CLDND2: variants seen among roughly 807,000 people sequenced by gnomAD.
The protein encoded by CLDND2 is claudin domain containing 2.
A neutral mutation model predicts 17.7 loss-of-function variants in CLDND2; 18 were observed. The observed-to-expected ratio is 1.02, with a 90% CI of 0.70 to 1.51. The LOEUF is 1.51. CLDND2 is among the 40% of genes most tolerant of loss of function. The pLI, the probability that CLDND2 is intolerant of heterozygous loss-of-function variation, is 0.00. For missense variants in CLDND2, 233 were observed against 219.6 expected (o/e 1.06, Z -0.39); for synonymous variants, 113 against 93.0 (o/e 1.22, Z -1.24).
Position 51,368,025 on chromosome 19 carries a change from G to A in CLDND2, c.171C>T (p.Thr57=). The A allele has an allele frequency of 2.5e-6, 4 of 1,606,728 alleles. No individual in the cohort carries two copies. The highest frequency in any genetic ancestry group is 3.4e-6 in the Non-Finnish European group (4 of 1,177,250). ...TGCACGCCACAGTCACCGCCAGCGT[G>A]GCTGGGGAGAGCGGGCGCATCAGCC... ...HGICSSIPCQ[T]TLAVTVACMV... is the part of the protein sequence containing the mutation. Residue 57 remains threonine (T), a splice_region_variant and synonymous_variant, in exon 2 of 4, where the codon ACC becomes ACT. Transcript: ENST00000291715.
rs951688193 is a variant in CLDND2 at position 51,368,765 on chromosome 19, T to A, written c.-188A>T. 1 of 579,882 alleles carries A rather than the reference T, an allele frequency of 1.7e-6. No individual in the cohort carries two copies. The highest frequency in any genetic ancestry group is 1.9e-5 in the African/African-American group (1 of 52,540). The allele number at this position is 579,882 out of a possible 1,614,324, so 35.9% of individuals were successfully genotyped here. On this transcript the variant is annotated 5_prime_UTR_variant, in exon 1 of 4. Transcript: ENST00000291715. ...CCCTGCCTGAGGATCCACAACCTCCTCCCTCCAGACCTCGTTCCCCTTACT... is the reference window on the plus strand; with the variant it reads ...CCCTGCCTGAGGATCCACAACCTCCACCCTCCAGACCTCGTTCCCCTTACT...
At position 51,368,444 on chromosome 19, in the gene CLDND2, C is replaced by T. The variant is rs1337348640; in HGVS notation, c.134G>A (p.Cys45Tyr). ...GATGCTGGAGCAGATGCCGTGGTTG[C>T]ATTCCTGCCACAGGCCACTGTGGCC... ...QEGHSGLWQE[C>Y]NHGICSSIPC... is the part of the protein sequence containing the mutation. The change falls in exon 1 of 4, where the codon TGC (cysteine) becomes TAC (tyrosine). Residue 45 changes from cysteine to tyrosine, a missense_variant. Cys to Tyr is a radical substitution (Grantham distance 194). Coordinates refer to ENST00000291715, the MANE Select transcript of CLDND2 (RefSeq NM_152353.3). 3.1e-6 allele frequency: 5 copies of T among 1,613,668 alleles called. No homozygotes were observed. In the Admixed American group the frequency reaches 8.3e-5, roughly 27 times the overall value.
rs931887664 is a variant in CLDND2, at chr19:51,368,492, T to C, written c.86A>G (p.Asn29Ser). Reference sequence around the variant, plus strand: ...GCCCTCTTGTTGGCGGGTCCAGTAGTTGGTGGCCGTGGAGAGCACCATGAG... The same window carrying C: ...GCCCTCTTGTTGGCGGGTCCAGTAGCTGGTGGCCGTGGAGAGCACCATGAG... ...NVLMVLSTAT[N>S]YWTRQQEGHS... The change falls in exon 1 of 4, where the codon AAC (asparagine) becomes AGC (serine). Residue 29 changes from asparagine (N) to serine (S), a missense_variant. Coordinates refer to ENST00000291715, the MANE Select transcript of CLDND2 (RefSeq NM_152353.3). The C allele has an allele frequency of 2.5e-6, 4 of 1,614,100 alleles. No individual in the cohort carries two copies. The highest frequency in any genetic ancestry group is 3.4e-6 in the Non-Finnish European group (4 of 1,179,990).
intron 1 of CLDND2, 101 bp from the exon 2 acceptor site, chr19:51,368,127 T>A: frequency 3.0e-6 from 4 of 1,322,144 alleles, no homozygotes; most frequent in Non-Finnish European, 4.1e-6. Context: ...CAACCCGGTG[T>A]GTGGCCAGGA....
Position 51,367,735 on chromosome 19 carries a change from T to A in CLDND2, c.310+151A>T, listed in dbSNP as rs1221269604. On this transcript the variant is annotated intron_variant, in intron 2 of 3. Coordinates refer to ENST00000291715, the MANE Select transcript of CLDND2 (RefSeq NM_152353.3). This position sits in a 1 kb window ranked among gnomAD's most constrained non-coding sequence, Gnocchi z 7.4. ...TTCCTGCTCCTCCCGCTCTGAACTC[T>A]GTCTCGAGCCCCGCCCACCTCTCTC... is the stretch of plus-strand genomic sequence containing the variant. 6.8e-7 allele frequency: 1 copy of A among 1,474,856 alleles called. No homozygotes were observed. Among genetic ancestry groups the A allele is most frequent in the African/African-American group, 1.4e-5 (1 of 70,894 alleles). The allele number at this position is 1,474,856 out of a possible 1,614,324, so 91.4% of individuals were successfully genotyped here.
downstream of CLDND2, chr19:51,366,957 C>T: frequency 1.6e-6 from 1 of 624,602 alleles, no homozygotes; most frequent in Non-Finnish European, 2.9e-6. Flanking sequence ...CATCCCAATC[C>T]ATGGAGACTT....
At position 51,368,399 on chromosome 19, in the gene CLDND2, G is replaced by A. The variant is rs370418281; in HGVS notation, c.169+10C>T. On this transcript the variant is annotated intron_variant, in intron 1 of 3. Transcript: ENST00000291715. ...AATGCCCTCTGACATCTGGGCGGGCGGAGCCTCACTCTGGCAGGGGATGCT... is the reference window on the plus strand; with the variant it reads ...AATGCCCTCTGACATCTGGGCGGGCAGAGCCTCACTCTGGCAGGGGATGCT... The A allele has an allele frequency of 1.1e-5, 18 of 1,607,062 alleles. No individual in the cohort carries two copies. Among genetic ancestry groups the A allele is most frequent in the Admixed American group, 5.0e-5 (3 of 59,714 alleles).
Position 51,367,688 on chromosome 19 carries a change from G to A in CLDND2, c.311-112C>T. ...ATCAGACCACGCCTATCGCCTCTCA[G>A]CCCGCCCCTGGCCCAGGCCCCTTCC... On this transcript the variant is annotated intron_variant, in intron 2 of 3. Transcript: ENST00000291715. This position sits in a 1 kb window ranked among gnomAD's most constrained non-coding sequence, Gnocchi z 7.4. 1 of 1,494,838 alleles carries A rather than the reference G, an allele frequency of 6.7e-7. No homozygotes were observed. Among genetic ancestry groups the A allele is most frequent in the Admixed American group, 2.4e-5 (1 of 42,506 alleles). 92.6% of individuals were successfully genotyped at this position (1,494,838 alleles called of 1,614,324 possible).
chr19:51,368,854 A>C lies in CLDND2; in HGVS notation c.-277T>G. ...TTCACCACAGGCTTTGCTGTGAGGA[A>C]CCTGTCTTCCCAGAGACCTCCCCCG... On this transcript the variant is annotated 5_prime_UTR_variant, in exon 1 of 4. Transcript: ENST00000291715. 2.6e-6 allele frequency: 1 copy of C among 387,576 alleles called. No individual in the cohort carries two copies. The highest frequency in any genetic ancestry group is 4.0e-5 in the South Asian group (1 of 24,818). 24.0% of individuals were successfully genotyped at this position (387,576 alleles called of 1,614,324 possible).
downstream of CLDND2, chr19:51,367,019 C>T: frequency 1.2e-6 from 1 of 859,312 alleles, no homozygotes; most frequent in South Asian, 1.4e-5. The surrounding 1 kb of genome is among the most constrained non-coding windows in gnomAD (Gnocchi z 7.4). Context: ...GAGTTCATGT[C>T]CTTATGTCTT....
chr19:51,368,636 C>T lies in CLDND2; in HGVS notation c.-59G>A. On this transcript the variant is annotated 5_prime_UTR_variant, in exon 1 of 4. Transcript: ENST00000291715. ...AGGATGGGCCCAGGCCTTTCCTACC[C>T]CGAGGCCCCCAGCTGAGGAGCCCGC... 9 of 1,490,562 alleles carry T rather than the reference C, an allele frequency of 6.0e-6. No individual in the cohort carries two copies. Among genetic ancestry groups the T allele is most frequent in the Non-Finnish European group, 8.2e-6 (9 of 1,099,676 alleles). The allele number at this position is 1,490,562 out of a possible 1,614,324, so 92.3% of individuals were successfully genotyped here.
In CLDND2 at chr19:51,367,594, G is replaced by T. The variant is rs747112335; in HGVS notation, c.311-18C>A. Reference sequence around the variant, plus strand: ...CAGCAGTCCTGGGCCCCGCCCAGCCGCAAGATGAGCTAGCTGGGCCTGGTG... The same window carrying T: ...CAGCAGTCCTGGGCCCCGCCCAGCCTCAAGATGAGCTAGCTGGGCCTGGTG... On this transcript the variant is annotated intron_variant, in intron 2 of 3. Coordinates refer to ENST00000291715, the MANE Select transcript of CLDND2 (RefSeq NM_152353.3). The surrounding 1 kb of genome is among the most constrained non-coding windows in gnomAD (Gnocchi z 7.4). 1.2e-6 allele frequency: 2 copies of T among 1,607,334 alleles called. No individual in the cohort carries two copies. The highest frequency in any genetic ancestry group is 1.1e-5 in the South Asian group (1 of 89,994).
rs761525613 is a variant in CLDND2, at chr19:51,367,560, G to T, written c.327C>A (p.Thr109=). The T allele has an allele frequency of 3.1e-6, 5 of 1,611,912 alleles. No homozygotes were observed. The East Asian group carries it at 1.1e-4, about 36-fold the overall frequency. ...TCTTCACGGTGTAGCCTATCAAGGC[G>T]GTCAGCAGCAGCAGTCCTGGGCCCC... is the stretch of plus-strand genomic sequence containing the variant. ...FLFLGGLLLL[T]ALIGYTVKNA... is the part of the protein sequence containing the mutation. Residue 109 remains threonine (T), a synonymous_variant, in exon 3 of 4, where the codon ACC becomes ACA. Transcript: ENST00000291715. The surrounding 1 kb of genome is among the most constrained non-coding windows in gnomAD (Gnocchi z 7.4).
In CLDND2 at chr19:51,367,821, A is replaced by G; in HGVS notation, c.310+65T>C. The G allele has an allele frequency of 1.3e-6, 2 of 1,573,154 alleles. No homozygotes were observed. The highest frequency in any genetic ancestry group is 1.7e-6 in the Non-Finnish European group (2 of 1,165,036). ...AGTACCTCAAGCCCCTCCCCTGGCG[A>G]CCAGGCCCCTCCATCACCCAGGGCC... On this transcript the variant is annotated intron_variant, in intron 2 of 3. Transcript: ENST00000291715. This position sits in a 1 kb window ranked among gnomAD's most constrained non-coding sequence, Gnocchi z 7.4.
At chr19:51,368,290 G>A in intron 1 of CLDND2, 119 bp downstream of exon 1, 4 of 1,275,418 alleles carry the variant, frequency 3.1e-6, no homozygotes, top group Non-Finnish European at 4.3e-6. Flanking sequence ...GGCCGACAAG[G>A]GACAGCTGCA....
chr19:51,368,031 G>A lies in CLDND2; in HGVS notation c.170-5C>T, dbSNP rs1412934277. 6.2e-7 allele frequency: 1 copy of A among 1,603,286 alleles called. No homozygotes were observed. On this transcript the variant is annotated splice_polypyrimidine_tract_variant and splice_region_variant and intron_variant, in intron 1 of 3. Transcript: ENST00000291715. Reference sequence around the variant, plus strand: ...CCACAGTCACCGCCAGCGTGGCTGGGGAGAGCGGGCGCATCAGCCCCCGCG... The same window carrying A: ...CCACAGTCACCGCCAGCGTGGCTGGAGAGAGCGGGCGCATCAGCCCCCGCG...
rs1986522630 is a variant in CLDND2 at position 51,368,341 on chromosome 19, C to T, written c.169+68G>A. ...GAAGGGGTGGGCGTCTCGCCATGGG[C>T]CCAGCTGTGTGTCCCGAGCCCTGGG... On this transcript the variant is annotated intron_variant, in intron 1 of 3. Coordinates refer to ENST00000291715, the MANE Select transcript of CLDND2 (RefSeq NM_152353.3). 11 of 1,527,082 alleles carry T rather than the reference C, an allele frequency of 7.2e-6. No homozygotes were observed. The South Asian group carries it at 7.4e-5, about 10-fold the overall frequency. 94.6% of individuals were successfully genotyped at this position (1,527,082 alleles called of 1,614,324 possible). A position where few individuals can be genotyped will look rare whatever the true frequency, so the allele number is the denominator to read the frequency against.
chr19:51,368,400 G>T lies in CLDND2; in HGVS notation c.169+9C>A. The T allele has an allele frequency of 6.2e-7, 1 of 1,607,916 alleles. No homozygotes were observed. Among genetic ancestry groups the T allele is most frequent in the Non-Finnish European group, 8.5e-7 (1 of 1,178,032 alleles). ...ATGCCCTCTGACATCTGGGCGGGCG[G>T]AGCCTCACTCTGGCAGGGGATGCTG... On this transcript the variant is annotated intron_variant, in intron 1 of 3. Coordinates refer to ENST00000291715, the MANE Select transcript of CLDND2 (RefSeq NM_152353.3).
rs756057433 is a variant in CLDND2 at position 51,367,918 on chromosome 19, C to T, written c.278G>A (p.Gly93Asp). The change falls in exon 2 of 4, where the codon GGC becomes GAC. Residue 93 changes from glycine to aspartate, a missense_variant. Physicochemically the swap from Gly to Asp is moderately conservative, Grantham distance 94. Transcript: ENST00000291715. The surrounding 1 kb of genome is among the most constrained non-coding windows in gnomAD (Gnocchi z 7.4). The stretch of plus-strand genomic sequence containing the variant: ...GAAGAGGAAGGCGCTCGTGGTCTGG[C>T]CCCGCAGCGACTCGCCCTCGTCGCA... Reference protein sequence around the residue: ...IRCDEGESLRGQTTSAFLFLG... With the variant: ...IRCDEGESLRDQTTSAFLFLG... 1.9e-6 allele frequency: 3 copies of T among 1,612,628 alleles called. No individual in the cohort carries two copies. Among genetic ancestry groups the T allele is most frequent in the Non-Finnish European group, 2.5e-6 (3 of 1,179,760 alleles).
Sources: allele counts gnomAD v4.1 joint callset, GRCh38; gene constraint gnomAD v4.1.1; non-coding constraint Gnocchi (gnomAD v3.1); transcripts MANE v1.5; gene names NCBI Gene and HGNC (gene_info 2026-07-23, HGNC 2026-07-21).